The following NEXN variants were observed in gnomAD, a reference collection of about 807,000 sequenced individuals.
NEXN encodes nexilin F-actin binding protein.
Under a neutral mutation model 92.6 loss-of-function variants are expected in NEXN, and 65 were observed. That is an observed-to-expected ratio of 0.70 (90% CI 0.57 to 0.86). The LOEUF (loss-of-function observed/expected upper bound fraction) is 0.86. Ranked by LOEUF, NEXN falls within the 40% of genes least tolerant of loss-of-function variation. NEXN has a pLI of 0.00. For synonymous variants in NEXN, 254 were observed against 242.5 expected, an observed-to-expected ratio of 1.05 and a Z score of -0.44; for missense variants, 778 against 771.1, an observed-to-expected ratio of 1.01 and a Z score of -0.11.
intron 1 of NEXN, among the ~76,000 whole-genome samples, chr1:77,912,628 G>C (rs1027264799): frequency 6.6e-6 from 1 of 152,052 alleles, no homozygotes; most frequent in Non-Finnish European, 1.5e-5. Context: ...CGAATAGAGA[G>C]CCCAGAAATA....
chr1:77,905,038 C>T (rs1411158959), intron 1 of NEXN, among the ~76,000 whole-genome samples: 1 of 150,510 alleles, frequency 6.6e-6, no homozygotes, highest in Non-Finnish European at 1.5e-5. Context: ...CCAAGGTGGG[C>T]GGATCACGAG....
chr1:77,900,641 C>T (rs1000762980), intron 1 of NEXN, among the ~76,000 whole-genome samples: 6 of 152,084 alleles, frequency 3.9e-5, no homozygotes, highest in Admixed American at 2.0e-4. Context: ...CTGAAACCTG[C>T]GGTGGATACA....
At chr1:77,924,596 G>A (rs1649704750) in intron 5 of NEXN, among the ~76,000 whole-genome samples, 1 of 152,138 alleles carries the variant, frequency 6.6e-6, no homozygotes, top group African/African-American at 2.4e-5. Flanking sequence ...CTGGTCATAA[G>A]AGTTTGGTCT....
At chr1:77,912,702 G>C (rs775437455) in intron 1 of NEXN, among the ~76,000 whole-genome samples, 1 of 152,134 alleles carries the variant, frequency 6.6e-6, no homozygotes, top group Non-Finnish European at 1.5e-5. Context: ...ATAGAGAAAA[G>C]ATTATTTTCA....
rs772313224 is a variant in NEXN at position 77,942,544 on chromosome 1, T to G, written c.1743T>G (p.Ala581=). ...ATGAAGAGCAAACCAGATCAGGAGC[T>G]CCATGGTTCAAGAAGCCTCTTAAAA... is the stretch of plus-strand genomic sequence containing the variant. ...AEDEEQTRSG[A]PWFKKPLKNT... Residue 581 remains alanine, a synonymous_variant, in exon 13 of 13, where the codon GCT becomes GCG. Transcript: ENST00000334785. The G allele has an allele frequency of 9.9e-6, 16 of 1,613,710 alleles. No individual in the cohort carries two copies. Among genetic ancestry groups the G allele is most frequent in the Non-Finnish European group, 8.5e-7 (1 of 1,179,822 alleles).
intron 1 of NEXN, among the ~76,000 whole-genome samples, chr1:77,894,010 G>A (rs1320829032): frequency 6.6e-6 from 1 of 152,052 alleles, no homozygotes; most frequent in African/African-American, 2.4e-5. Flanking sequence ...ATTTTTAGTA[G>A]AGATGGGGTT....
intron 11 of NEXN, 83 bp downstream of exon 11, chr1:77,936,127 T>A: frequency 9.6e-7 from 1 of 1,041,502 alleles, no homozygotes; most frequent in Admixed American, 2.2e-5. Flanking sequence ...TTGAAATAAG[T>A]TTTAGTACTT....
Position 77,943,234 on chromosome 1 carries a change from A to C in NEXN, c.*405A>C. 4.6e-6 allele frequency: 1 copy of C among 218,494 alleles called. No homozygotes were observed. Among genetic ancestry groups the C allele is most frequent in the South Asian group, 6.4e-5 (1 of 15,614 alleles). 13.5% of individuals were successfully genotyped at this position (218,494 alleles called of 1,614,324 possible). Reference sequence around the variant, plus strand: ...TACAGCAACTATGTTTAAAAAACAAAAACAAAAAAAAAACACACAAACCTA... The same window carrying C: ...TACAGCAACTATGTTTAAAAAACAACAACAAAAAAAAAACACACAAACCTA... On this transcript the variant is annotated 3_prime_UTR_variant, in exon 13 of 13. Transcript: ENST00000334785.
intron 1 of NEXN, among the ~76,000 whole-genome samples, chr1:77,894,530 T>A (rs916010544): frequency 3.3e-5 from 5 of 151,824 alleles, no homozygotes; most frequent in Non-Finnish European, 7.4e-5. Context: ...AGTCTCTATG[T>A]CCCAGCTTCA....
intron 1 of NEXN, among the ~76,000 whole-genome samples, chr1:77,895,394 A>T (rs563408032): frequency 2.6e-5 from 4 of 152,152 alleles, no homozygotes; most frequent in African/African-American, 9.7e-5. Context: ...CATTAATTAA[A>T]TGCAATAAAG....
intron 11 of NEXN, among the ~76,000 whole-genome samples, chr1:77,940,451 G>A (rs924268832): frequency 6.6e-6 from 1 of 152,088 alleles, no homozygotes; most frequent in Non-Finnish European, 1.5e-5. Context: ...GTTGACAATT[G>A]TACTTGACTG....
intron 5 of NEXN, among the ~76,000 whole-genome samples, chr1:77,924,664 T>C (rs1649711813): frequency 6.9e-5 from 2 of 28,800 alleles, no homozygotes; most frequent in South Asian, 2.2e-3. Flanking sequence ...TCTGTTTTTT[T>C]TTCTTTTTTT....
At chr1:77,901,029 C>A (rs145959244) in intron 1 of NEXN, among the ~76,000 whole-genome samples, 363 of 152,294 alleles carry the variant, frequency 2.4e-3, no homozygotes, top group Admixed American at 4.8e-3. Flanking sequence ...TTAAGCCAAT[C>A]TCCATTTAGC....
intron 1 of NEXN, among the ~76,000 whole-genome samples, chr1:77,914,909 A>C (rs1270317470): frequency 1.3e-5 from 2 of 152,178 alleles, no homozygotes; most frequent in African/African-American, 2.4e-5. Flanking sequence ...TTTTTGTAAA[A>C]AGCAAGGTCC....
intron 2 of NEXN, among the ~76,000 whole-genome samples, chr1:77,916,546 T>C (rs1489542217): frequency 6.6e-6 from 1 of 152,176 alleles, no homozygotes; most frequent in African/African-American, 2.4e-5. Context: ...TTTTAATTTT[T>C]AGCTTTCTTC....
intron 1 of NEXN, among the ~76,000 whole-genome samples, chr1:77,898,241 C>G (rs1259592061): frequency 6.6e-6 from 1 of 152,168 alleles, no homozygotes; most frequent in Non-Finnish European, 1.5e-5. Flanking sequence ...GGAGGCATCA[C>G]GCTACCTGAC....
intron 11 of NEXN, 40 bp from the exon 12 acceptor site, chr1:77,941,983 G>T: frequency 6.3e-7 from 1 of 1,592,346 alleles, no homozygotes; most frequent in South Asian, 1.1e-5. Flanking sequence ...TTTGTTTTTA[G>T]AAGGCAAGCA....
Position 77,908,072 on chromosome 1 carries a change from G to A in NEXN, c.-52-7983G>A, listed in dbSNP as rs560311854. On this transcript the variant is annotated intron_variant, in intron 1 of 12. Transcript: ENST00000334785. Reference sequence around the variant, plus strand: ...GAGACCAGCCTGGGCAACAGAGTGAGACCCCTGTCTCTATTTTTTTTTAAA... The same window carrying A: ...GAGACCAGCCTGGGCAACAGAGTGAAACCCCTGTCTCTATTTTTTTTTAAA... 2.5e-3 allele frequency among the ~76,000 whole-genome samples: 385 copies of A among 152,090 alleles called. 1 individual carries two copies. Among genetic ancestry groups the A allele is most frequent in the Non-Finnish European group, 3.4e-3 (232 of 67,978 alleles).
At chr1:77,900,479 T>C (rs564801385) in intron 1 of NEXN, among the ~76,000 whole-genome samples, 3 of 152,304 alleles carry the variant, frequency 2.0e-5, no homozygotes, top group Non-Finnish European at 1.5e-5. Context: ...TTGTTTCGTA[T>C]CCCATTGCCA....
Sources: gnomAD v4.1 joint callset for allele counts (sites outside exome capture counted in the v4.1 genomes callset) on GRCh38, gnomAD v4.1.1 for gene constraint, MANE v1.5 for transcripts, NCBI Gene and HGNC (gene_info 2026-07-23, HGNC 2026-07-21) for gene names.